Variants in ASPH observed in about 807,000 individuals in gnomAD.
The protein encoded by ASPH is aspartate beta-hydroxylase, also known as aspartyl/asparaginyl beta-hydroxylase.
A neutral mutation model predicts 118.4 loss-of-function variants in ASPH; 100 were observed. The observed-to-expected ratio is 0.84, with a 90% CI of 0.72 to 1.00. ASPH has a LOEUF of 1.00. Ranked by LOEUF, ASPH falls within the 50% of genes least tolerant of loss-of-function variation. The pLI is 0.00. For missense variants in ASPH, 920 were observed against 919.5 expected, an observed-to-expected ratio of 1.00 and a Z score of -0.01; for synonymous variants, 315 against 325.6, an observed-to-expected ratio of 0.97 and a Z score of 0.35.
In ASPH at chr8:61,562,770, C is replaced by G; in HGVS notation, c.1411G>C (p.Asp471His). 6.2e-7 allele frequency: 1 copy of G among 1,609,262 alleles called. No individual in the cohort carries two copies. The highest frequency in any genetic ancestry group is 8.5e-7 in the Non-Finnish European group (1 of 1,178,282). The change falls in exon 18 of 25, where the codon GAC becomes CAC. Residue 471 changes from aspartate to histidine, a missense_variant. Transcript: ENST00000379454. ...TCTTCATAAACTTTCTTTGCATTGT[C>G]ATTATCTCCTATCAAGAGGTATCCC... ...GVGYLLIGDN[D>H]NAKKVYEEVL...
chr8:61,611,532 C>T (rs1221584016), intron 14 of ASPH, among the ~76,000 whole-genome samples: 3 of 152,184 alleles, frequency 2.0e-5, no homozygotes, highest in Non-Finnish European at 2.9e-5. Flanking sequence ...GAAAGAGCAG[C>T]TTCTGATGAA....
intron 16 of ASPH, among the ~76,000 whole-genome samples, chr8:61,573,933 T>G (rs183328074): frequency 8.1e-4 from 123 of 152,162 alleles, no homozygotes; most frequent in African/African-American, 2.9e-3. Context: ...TGGGAGAAAA[T>G]TTTTGCAATC....
At chr8:61,604,153 G>C (rs1423222097) in intron 14 of ASPH, among the ~76,000 whole-genome samples, 1 of 152,288 alleles carries the variant, frequency 6.6e-6, no homozygotes. Context: ...ATTTCTGATG[G>C]CTTCAATGAG....
chr8:61,619,005 T>G lies in ASPH; in HGVS notation c.949A>C (p.Thr317Pro). The G allele has an allele frequency of 6.2e-7, 1 of 1,605,670 alleles. No individual in the cohort carries two copies. The highest frequency in any genetic ancestry group is 8.5e-7 in the Non-Finnish European group (1 of 1,173,486). Residue 317 changes from threonine (T) to proline (P), a missense_variant, in exon 14 of 25, where the codon ACA (threonine) becomes CCA (proline). Physicochemically the swap from Thr to Pro is conservative, Grantham distance 38. Coordinates refer to ENST00000379454, the MANE Select transcript of ASPH (RefSeq NM_004318.4). ...TTTGCTTTTTGTTCTGGATCATCTG[T>G]TTTTCTATTTGTTTCTGAAAATTAA... ...QEVPPETNRK[T>P]DDPEQKAKVK...
intron 24 of ASPH, among the ~76,000 whole-genome samples, chr8:61,510,267 A>AT (rs1415310247): frequency 6.6e-6 from 1 of 152,232 alleles, no homozygotes; most frequent in Non-Finnish European, 1.5e-5. Flanking sequence ...TGTAAGTTGT[A>AT]TAGAGTTACT....
At position 61,502,070 on chromosome 8, in the gene ASPH, G is replaced by T. The variant is rs1176857421; in HGVS notation, c.*1289C>A. 1 of 152,144 alleles carries T rather than the reference G, an allele frequency of 6.6e-6. No individual in the cohort carries two copies. Among genetic ancestry groups the T allele is most frequent in the Non-Finnish European group, 1.5e-5 (1 of 68,028 alleles). 9.4% of individuals were successfully genotyped at this position (152,144 alleles called of 1,614,324 possible). On this transcript the variant is annotated 3_prime_UTR_variant, in exon 25 of 25. Coordinates refer to ENST00000379454, the MANE Select transcript of ASPH (RefSeq NM_004318.4). ...AATCTGATACATGAATACTTTGCTA[G>T]ATTAATGACTTGATCATCTTTGGAA...
intron 1 of ASPH, among the ~76,000 whole-genome samples, chr8:61,703,452 A>G (rs1359802295): frequency 1.3e-5 from 2 of 152,230 alleles, no homozygotes; most frequent in Non-Finnish European, 2.9e-5. Context: ...GGTGCATGTA[A>G]CAGTTCTATG....
At chr8:61,687,282 T>C (rs957500139) in intron 1 of ASPH, 1 of 152,212 alleles carries the variant, frequency 6.6e-6, no homozygotes, top group Non-Finnish European at 1.5e-5. Flanking sequence ...TTATTGACTG[T>C]AACACTAAAT....
chr8:61,624,397 A>C, intron 13 of ASPH: 1 of 985,374 alleles, frequency 1.0e-6, no homozygotes, highest in South Asian at 4.7e-5. Context: ...GAAATACGTT[A>C]ACTGGCTGAA....
chr8:61,518,955 C>T (rs1356994581), intron 22 of ASPH, among the ~76,000 whole-genome samples: 1 of 152,186 alleles, frequency 6.6e-6, no homozygotes, highest in Non-Finnish European at 1.5e-5. Context: ...CCGTGATATG[C>T]AATTTACCAG....
chr8:61,636,934 G>A (rs558071446), intron 12 of ASPH, among the ~76,000 whole-genome samples: 5 of 152,250 alleles, frequency 3.3e-5, no homozygotes, highest in Non-Finnish European at 5.9e-5. Context: ...GGCCCAGAGT[G>A]CCTGTACAGG....
intron 21 of ASPH, among the ~76,000 whole-genome samples, chr8:61,533,076 A>C (rs1262042300): frequency 1.3e-5 from 2 of 151,544 alleles, no homozygotes; most frequent in African/African-American, 4.8e-5. Context: ...ACTATCTTCT[A>C]ATATTATTCA....
At chr8:61,640,026 T>A (rs1254016702) in intron 10 of ASPH, among the ~76,000 whole-genome samples, 6 of 152,210 alleles carry the variant, frequency 3.9e-5, no homozygotes, top group Admixed American at 6.5e-5. Context: ...ACCCTTGGTT[T>A]AAACTATCAT....
At chr8:61,550,105 T>A (rs1296823878) in intron 20 of ASPH, among the ~76,000 whole-genome samples, 1 of 152,224 alleles carries the variant, frequency 6.6e-6, no homozygotes, top group Non-Finnish European at 1.5e-5. Flanking sequence ...CAGAAATTTT[T>A]AAAAATCACC....
At chr8:61,536,629 C>T (rs1159469771) in intron 21 of ASPH, among the ~76,000 whole-genome samples, 7 of 152,114 alleles carry the variant, frequency 4.6e-5, no homozygotes, top group African/African-American at 7.2e-5. Flanking sequence ...GTTGGGCTTA[C>T]GTTGGAACTG....
intron 3 of ASPH, chr8:61,668,207 A>G (rs1194371011): frequency 1.3e-6 from 2 of 1,584,722 alleles, no homozygotes; most frequent in Non-Finnish European, 1.7e-6. Context: ...TGATTCACTC[A>G]AGGCTAATTT....
At chr8:61,626,235 G>A in intron 13 of ASPH, 1 of 1,534,964 alleles carries the variant, frequency 6.5e-7, no homozygotes. Context: ...TGGTTAGGCT[G>A]GTCCTCCTGT....
At chr8:61,663,679 A>G (rs1197062071) in intron 3 of ASPH, 47 of 982,536 alleles carry the variant, frequency 4.8e-5, no homozygotes, top group Non-Finnish European at 5.6e-5. Flanking sequence ...AAAACATAAA[A>G]CTCGAAGTTA....
chr8:61,676,217 A>C (rs757786402), intron 3 of ASPH: 4 of 1,597,994 alleles, frequency 2.5e-6, no homozygotes, highest in Non-Finnish European at 3.4e-6. Flanking sequence ...ATCATAGAGA[A>C]ATGAGAGGAA....
Sources: gnomAD v4.1 joint callset for allele counts (sites outside exome capture counted in the v4.1 genomes callset) on GRCh38, gnomAD v4.1.1 for gene constraint, MANE v1.5 for transcripts, NCBI Gene and HGNC (gene_info 2026-07-23, HGNC 2026-07-21) for gene names.